The following PRKCH variants were observed in gnomAD, a reference collection of about 807,000 sequenced individuals.
The protein encoded by PRKCH is protein kinase C eta.
A neutral mutation model predicts 82.5 loss-of-function variants in PRKCH; 28 were observed. That is an observed-to-expected ratio of 0.34 (90% confidence interval 0.25 to 0.47). The LOEUF (loss-of-function observed/expected upper bound fraction) is 0.47. Ranked by LOEUF, PRKCH falls within the 20% of genes least tolerant of loss-of-function variation. PRKCH has a pLI of 1.00. For missense variants in PRKCH, 705 were observed against 881.8 expected, an observed-to-expected ratio of 0.80 and a Z score of 2.54; for synonymous variants, 322 against 327.4, an observed-to-expected ratio of 0.98 and a Z score of 0.18.
At chr14:61,312,099 G>A (rs2045529719) in intron 1 of PRKCH, among the ~76,000 whole-genome samples, 1 of 152,106 alleles carries the variant, frequency 6.6e-6, no homozygotes, top group South Asian at 2.1e-4. Flanking sequence ...ATTTGAGTGG[G>A]GACACAGAGT....
chr14:61,260,715 T>A (rs538332475), intron 1 of PRKCH, among the ~76,000 whole-genome samples: 79 of 152,324 alleles, frequency 5.2e-4, no homozygotes, highest in South Asian at 1.0e-3. Context: ...GAGTGGGAGA[T>A]GATTATTGGG....
rs139343528 is a variant in PRKCH, at chr14:61,322,340, G to T, written c.239G>T (p.Gly80Val). 4 of 1,613,192 alleles carry T rather than the reference G, an allele frequency of 2.5e-6. No homozygotes were observed. The highest frequency in any genetic ancestry group is 3.4e-6 in the Non-Finnish European group (4 of 1,179,914). ...TTTTGCGCTAACGTCACCGACGGCG[G>T]CCACCTCGAGTTGGCCGTCTTCCAC... ...EEFCANVTDG[G>V]HLELAVFHET... Residue 80 changes from glycine (G) to valine (V), a missense_variant, in exon 1 of 14, where the codon GGC (glycine) becomes GTC (valine). Around this residue, in one of 5 missense-constraint regions of PRKCH, gnomAD observed 246 missense variants for 308.0 expected, o/e 0.80. Transcript: ENST00000332981.
intron 1 of PRKCH, among the ~76,000 whole-genome samples, chr14:61,275,896 C>T (rs185740860): frequency 6.8e-4 from 103 of 152,292 alleles, no homozygotes; most frequent in Middle Eastern, 3.4e-3. Context: ...TGGTTTGCTC[C>T]GGTAACCTAA....
chr14:61,244,029 G>A (rs1000284912), intron 1 of PRKCH, among the ~76,000 whole-genome samples: 3 of 152,050 alleles, frequency 2.0e-5, no homozygotes, highest in African/African-American at 4.8e-5. Context: ...CATCACCGCA[G>A]CCTGGCTCTC....
At chr14:61,320,582 A>G (rs2045603393), upstream of PRKCH, among the ~76,000 whole-genome samples, 1 of 149,522 alleles carries the variant, frequency 6.7e-6, no homozygotes, top group Non-Finnish European at 1.5e-5. Context: ...CTGGGCAACA[A>G]AAGCGAAACT....
At chr14:61,217,712 G>C (rs1024368461) in intron 1 of PRKCH, among the ~76,000 whole-genome samples, 1 of 152,164 alleles carries the variant, frequency 6.6e-6, no homozygotes, top group African/African-American at 2.4e-5. Flanking sequence ...CAGGGAGGAA[G>C]GTTATTCTGG....
intron 7 of PRKCH, among the ~76,000 whole-genome samples, chr14:61,456,348 CCAGT>C (rs1253093382): frequency 2.6e-5 from 4 of 152,184 alleles, no homozygotes; most frequent in African/African-American, 9.7e-5. Flanking sequence ...TGTATTCACT[CCAGT>C]GTTATTCACT....
intron 1 of PRKCH, chr14:61,305,018 GC>G (rs1429863231): frequency 6.6e-6 from 1 of 151,920 alleles, no homozygotes; most frequent in Non-Finnish European, 1.5e-5. Flanking sequence ...CTACAGTGTA[GC>G]TGGTGTGTTT....
At chr14:61,407,269 A>G (rs1799753055) in intron 2 of PRKCH, among the ~76,000 whole-genome samples, 1 of 152,184 alleles carries the variant, frequency 6.6e-6, no homozygotes, top group African/African-American at 2.4e-5. Context: ...TCTCTGTAAA[A>G]TGAATAATGC....
intron 10 of PRKCH, among the ~76,000 whole-genome samples, chr14:61,504,056 TTGAA>T (rs1355175315): frequency 1.3e-5 from 2 of 152,162 alleles, no homozygotes; most frequent in Admixed American, 6.5e-5. Flanking sequence ...TGTTTTAACT[TTGAA>T]TGAGCTTAGA....
chr14:61,443,320 GTTA>G (rs1884067093), intron 3 of PRKCH, 59 bp downstream of exon 3: 3 of 1,518,820 alleles, frequency 2.0e-6, no homozygotes, highest in Non-Finnish European at 2.7e-6. Flanking sequence ...GCTTCCTCTG[GTTA>G]TGTATGACTT....
intron 1 of PRKCH, among the ~76,000 whole-genome samples, chr14:61,287,176 G>C (rs1382175529): frequency 8.3e-6 from 1 of 119,856 alleles, no homozygotes. Flanking sequence ...CTGCACTTCA[G>C]CCTGAGCAAC....
chr14:61,455,759 A>C lies in PRKCH; in HGVS notation c.961-1417A>C, dbSNP rs17098386. On this transcript the variant is annotated intron_variant, in intron 7 of 13. Coordinates refer to ENST00000332981, the MANE Select transcript of PRKCH (RefSeq NM_006255.5). ...CATCCGGTGCCTGGCTGGATGTTAGACTTTTGATCTGTTGTCTAGTGGTAG... is the reference window on the plus strand; with the variant it reads ...CATCCGGTGCCTGGCTGGATGTTAGCCTTTTGATCTGTTGTCTAGTGGTAG... 0.019 allele frequency among the ~76,000 whole-genome samples: 2,893 copies of C among 152,300 alleles called. 200 individuals carry two copies. In the East Asian group the frequency reaches 0.26, roughly 14 times the overall value.
chr14:61,413,639 A>G (rs986479480), intron 2 of PRKCH, among the ~76,000 whole-genome samples: 2 of 146,586 alleles, frequency 1.4e-5, no homozygotes, highest in Non-Finnish European at 3.0e-5. Flanking sequence ...TAACTTCTCC[A>G]TTTCCTTCTC....
At chr14:61,255,576 A>G (rs889874666) in intron 1 of PRKCH, among the ~76,000 whole-genome samples, 9 of 152,232 alleles carry the variant, frequency 5.9e-5, no homozygotes, top group African/African-American at 2.2e-4. Context: ...AATACAGATT[A>G]AAATAATAAT....
intron 1 of PRKCH, among the ~76,000 whole-genome samples, chr14:61,340,955 C>T (rs1164947316): frequency 6.6e-6 from 1 of 152,202 alleles, no homozygotes; most frequent in Non-Finnish European, 1.5e-5. Flanking sequence ...TCAATTTCTT[C>T]TTTTCCCCAC....
intron 12 of PRKCH, among the ~76,000 whole-genome samples, chr14:61,541,526 G>A (rs1420962058): frequency 2.6e-5 from 4 of 152,216 alleles, no homozygotes; most frequent in South Asian, 2.1e-4. Context: ...AGCATTAGCT[G>A]CTAACTCTCT....
At chr14:61,263,929 T>C (rs1224898688) in intron 1 of PRKCH, among the ~76,000 whole-genome samples, 1 of 150,994 alleles carries the variant, frequency 6.6e-6, no homozygotes, top group Non-Finnish European at 1.5e-5. Flanking sequence ...GTGCAGTTTC[T>C]GGAAAGTGTC....
At chr14:61,273,344 T>C (rs777694601) in intron 1 of PRKCH, among the ~76,000 whole-genome samples, 23 of 152,224 alleles carry the variant, frequency 1.5e-4, no homozygotes, top group Non-Finnish European at 2.9e-4. Flanking sequence ...TACTACTCCA[T>C]TTATTTTTTT....
Sources: gnomAD v4.1 joint callset for allele counts (sites outside exome capture counted in the v4.1 genomes callset) on GRCh38, gnomAD v4.1.1 for gene constraint, gnomAD v4.1.1 regional missense constraint, MANE v1.5 for transcripts, NCBI Gene and HGNC (gene_info 2026-07-23, HGNC 2026-07-21) for gene names.